The following CDH20 variants were observed in gnomAD, a reference collection of about 807,000 sequenced individuals.
CDH20 encodes cadherin-20.
CDH20 carries 29 observed loss-of-function variants against 74.2 expected under a neutral mutation model. That is an observed-to-expected ratio of 0.39 (90% CI 0.29 to 0.53). The LOEUF (loss-of-function observed/expected upper bound fraction) is 0.53, where lower values mean the gene tolerates loss of function less well. Among genes scored for constraint, CDH20 ranks in the 20% least tolerant of loss-of-function variants. The pLI is 0.69. For synonymous variants in CDH20, 469 were observed against 405.4 expected (o/e 1.16, Z -1.88); for missense variants, 988 against 1,048.3 (o/e 0.94, Z 0.79).
chr18:61,504,926 A>G (rs1401026178), intron 5 of CDH20, among the ~76,000 whole-genome samples: 1 of 152,064 alleles, frequency 6.6e-6, no homozygotes, highest in Non-Finnish European at 1.5e-5. Context: ...GGGTGCAAGT[A>G]ACTAAGTTCC....
In CDH20 at chr18:61,536,703, CTTG is replaced by C. The variant is rs1461700459; in HGVS notation, c.1408+79_1408+81del. ...TTATAGAAAGTGGAAGTTTCTAGAA[CTTG>C]TTGTAACAAAAATTATATCCTTTAA... On this transcript the variant is annotated intron_variant, in intron 8 of 11. Transcript: ENST00000262717. 4.0e-5 allele frequency: 53 copies of C among 1,321,094 alleles called. 1 individual carries two copies. The highest frequency in any genetic ancestry group is 1.1e-4 in the South Asian group (9 of 78,758). 81.8% of individuals were successfully genotyped at this position (1,321,094 alleles called of 1,614,324 possible).
intron 1 of CDH20, among the ~76,000 whole-genome samples, chr18:61,339,033 G>C (rs985860800): frequency 6.6e-6 from 1 of 152,002 alleles, no homozygotes; most frequent in Admixed American, 6.6e-5. Flanking sequence ...TATTTGAATG[G>C]TTCTTGTTAC....
intron 1 of CDH20, among the ~76,000 whole-genome samples, chr18:61,399,797 A>G (rs1912099358): frequency 6.6e-6 from 1 of 152,168 alleles, no homozygotes; most frequent in Non-Finnish European, 1.5e-5. Flanking sequence ...ACTTTGGTTT[A>G]CTCTGTAAAA....
intron 7 of CDH20, among the ~76,000 whole-genome samples, chr18:61,532,841 A>T (rs1050091064): frequency 1.3e-5 from 2 of 152,178 alleles, no homozygotes; most frequent in African/African-American, 4.8e-5. Context: ...TGAACCCAAT[A>T]TATTTCCCAG....
At chr18:61,432,853 G>C (rs572808843) in intron 1 of CDH20, among the ~76,000 whole-genome samples, 1 of 152,242 alleles carries the variant, frequency 6.6e-6, no homozygotes, top group East Asian at 1.9e-4. Flanking sequence ...GCTTTGGCAA[G>C]GGAAAGTTGT....
At chr18:61,381,041 A>G (rs779950640) in intron 1 of CDH20, among the ~76,000 whole-genome samples, 16 of 152,208 alleles carry the variant, frequency 1.1e-4, no homozygotes, top group African/African-American at 4.8e-5. Flanking sequence ...ATCTAACGAC[A>G]TAAATCTGCC....
intron 1 of CDH20, among the ~76,000 whole-genome samples, chr18:61,409,152 A>G (rs778239104): frequency 1.3e-5 from 2 of 152,194 alleles, no homozygotes; most frequent in African/African-American, 2.4e-5. Context: ...ACCCATTCTG[A>G]GCATTTTTGA....
intron 1 of CDH20, among the ~76,000 whole-genome samples, chr18:61,379,973 T>C (rs1380666694): frequency 6.6e-6 from 1 of 152,234 alleles, no homozygotes; most frequent in Non-Finnish European, 1.5e-5. Flanking sequence ...TTCTAAGGAC[T>C]GTCAGCTTGT....
intron 1 of CDH20, among the ~76,000 whole-genome samples, chr18:61,358,304 T>C (rs1003227918): frequency 6.6e-6 from 1 of 151,560 alleles, no homozygotes; most frequent in Non-Finnish European, 1.5e-5. Flanking sequence ...TTTTTTTTAG[T>C]AGAGACGGTG....
At chr18:61,399,718 C>T (rs1912097496) in intron 1 of CDH20, among the ~76,000 whole-genome samples, 1 of 152,148 alleles carries the variant, frequency 6.6e-6, no homozygotes, top group Admixed American at 6.5e-5. Context: ...TGCTTTCAGT[C>T]TCAGGGATCA....
intron 1 of CDH20, among the ~76,000 whole-genome samples, chr18:61,413,791 G>A (rs577513936): frequency 8.4e-4 from 128 of 152,014 alleles, no homozygotes; most frequent in South Asian, 3.7e-3. Context: ...GAAAAACTGG[G>A]GCCTACTTAA....
At chr18:61,538,980 C>T in intron 8 of CDH20, 44 bp from the exon 9 acceptor site, 2 of 1,586,764 alleles carry the variant, frequency 1.3e-6, no homozygotes, top group East Asian at 2.2e-5. Context: ...TTTCTTTTGG[C>T]ATTACTAAAC....
intron 1 of CDH20, among the ~76,000 whole-genome samples, chr18:61,428,987 C>T (rs1038483537): frequency 2.0e-5 from 3 of 152,068 alleles, no homozygotes; most frequent in Non-Finnish European, 4.4e-5. Context: ...CCACAGTAGT[C>T]CCCAGCTTCA....
At chr18:61,519,205 A>T (rs1194370680) in intron 6 of CDH20, among the ~76,000 whole-genome samples, 2 of 151,350 alleles carry the variant, frequency 1.3e-5, no homozygotes, top group African/African-American at 4.9e-5. Flanking sequence ...TTTTCAGGGT[A>T]TTATCCAGGA....
chr18:61,532,370 T>C (rs904128950), intron 7 of CDH20, among the ~76,000 whole-genome samples: 1 of 152,166 alleles, frequency 6.6e-6, no homozygotes, highest in Non-Finnish European at 1.5e-5. Flanking sequence ...ATAACTTAAA[T>C]GATTCTGATT....
At chr18:61,544,968 T>C (rs1913184520) in intron 9 of CDH20, 59 bp from the exon 10 acceptor site, 1 of 1,120,874 alleles carries the variant, frequency 8.9e-7, no homozygotes, top group Non-Finnish European at 1.4e-6. Context: ...GGGATTTAAC[T>C]GGGCCCTGGT....
intron 1 of CDH20, among the ~76,000 whole-genome samples, chr18:61,347,848 T>A (rs932100902): frequency 5.3e-5 from 8 of 152,106 alleles, no homozygotes; most frequent in African/African-American, 1.9e-4. Flanking sequence ...TAAACAATAC[T>A]TTTTTTTCAG....
At chr18:61,414,785 AATT>A (rs1212681182) in intron 1 of CDH20, among the ~76,000 whole-genome samples, 3 of 151,932 alleles carry the variant, frequency 2.0e-5, no homozygotes, top group Admixed American at 6.6e-5. Context: ...TTATTAAAAT[AATT>A]ATTAAGAATT....
Position 61,396,053 on chromosome 18 carries a change from T to TGTGTGTG in CDH20, c.-153+62226_-153+62227insGTGTGTG, listed in dbSNP as rs1568123818. 6.4e-3 allele frequency among the ~76,000 whole-genome samples: 914 copies of TGTGTGTG among 142,788 alleles called. 5 individuals are homozygous for TGTGTGTG. Among genetic ancestry groups the TGTGTGTG allele is most frequent in the African/African-American group, 7.6e-3 (308 of 40,368 alleles). The allele number at this position is 142,788 out of a possible 152,430, so 93.7% of individuals were successfully genotyped here. A position where few individuals can be genotyped will look rare whatever the true frequency, so the allele number is the denominator to read the frequency against. On this transcript the variant is annotated intron_variant, in intron 1 of 11. Coordinates refer to ENST00000262717, the MANE Select transcript of CDH20 (RefSeq NM_031891.4). ...GTGCACTCACAGAGTGTGTGTGTGT[T>TGTGTGTG]TGTGTGTGTGTGTGTGTGTTCATGC...
Sources: allele counts gnomAD v4.1 joint callset (sites outside exome capture counted in the v4.1 genomes callset), GRCh38; gene constraint gnomAD v4.1.1; transcripts MANE v1.5; gene names NCBI Gene and HGNC (gene_info 2026-07-23, HGNC 2026-07-21).